Variants in CBX7 observed in about 807,000 individuals in gnomAD.
The protein encoded by CBX7 is chromobox protein homolog 7.
Under a neutral mutation model 31.4 loss-of-function variants are expected in CBX7, and 14 were observed. The ratio of observed to expected loss-of-function variants is 0.45; its 90% CI spans 0.29 to 0.70. The LOEUF is 0.70. Among genes scored for constraint, CBX7 ranks in the 30% least tolerant of loss-of-function variants. The pLI is 0.11. For synonymous variants in CBX7, 159 were observed against 152.6 expected (o/e 1.04, Z -0.31); for missense variants, 269 against 351.9 (o/e 0.76, Z 1.89).
intron 2 of CBX7, among the ~76,000 whole-genome samples, chr22:39,143,745 C>A (rs902193927): frequency 2.6e-5 from 4 of 152,180 alleles, no homozygotes; most frequent in Non-Finnish European, 5.9e-5. Context: ...ACCTTTTCTA[C>A]GTTTGGATGT....
intron 2 of CBX7, among the ~76,000 whole-genome samples, chr22:39,145,358 C>T: frequency 6.6e-6 from 1 of 152,212 alleles, no homozygotes. Flanking sequence ...CGGGCGCTGG[C>T]AACCCAGGAG....
chr22:39,142,788 T>A (rs1483914878), intron 2 of CBX7, among the ~76,000 whole-genome samples: 1 of 152,154 alleles, frequency 6.6e-6, no homozygotes, highest in Non-Finnish European at 1.5e-5. Context: ...GAATAACATT[T>A]CTGTCCGTGA....
intron 2 of CBX7, among the ~76,000 whole-genome samples, chr22:39,146,549 C>T (rs1049502182): frequency 6.6e-6 from 1 of 152,262 alleles, no homozygotes; most frequent in African/African-American, 2.4e-5. Context: ...AAAAGGCCAG[C>T]AGGCAAGAGT....
intron 2 of CBX7, 104 bp downstream of exon 2, chr22:39,149,685 G>A (rs754438293): frequency 5.5e-6 from 5 of 916,480 alleles, no homozygotes; most frequent in South Asian, 2.6e-5. Context: ...AGTTACAAGA[G>A]TAGCTGGAGC....
At chr22:39,134,376 G>A (rs975428586) in intron 5 of CBX7, 25 bp downstream of exon 5, 2 of 1,564,172 alleles carry the variant, frequency 1.3e-6, no homozygotes, top group African/African-American at 2.7e-5. Flanking sequence ...CAGCTCTGAG[G>A]GTCTCTGGGC....
chr22:39,134,240 G>C lies in CBX7; in HGVS notation c.598+161C>G, dbSNP rs993817725. 4.1e-5 allele frequency: 35 copies of C among 849,456 alleles called. No homozygotes were observed. The African/African-American group carries it at 5.3e-4, about 13-fold the overall frequency. The allele number at this position is 849,456 out of a possible 1,614,324, so 52.6% of individuals were successfully genotyped here. Reference sequence around the variant, plus strand: ...ACCTAGACAAGAGCTCAGCCAGAGCGGGACGACAGGAGGAGCCCTGGGCTA... The same window carrying C: ...ACCTAGACAAGAGCTCAGCCAGAGCCGGACGACAGGAGGAGCCCTGGGCTA... On this transcript the variant is annotated intron_variant, in intron 5 of 5. Coordinates refer to ENST00000216133, the MANE Select transcript of CBX7 (RefSeq NM_175709.5).
chr22:39,138,149 C>T (rs1234573722), intron 4 of CBX7, among the ~76,000 whole-genome samples: 2 of 148,928 alleles, frequency 1.3e-5, no homozygotes, highest in African/African-American at 5.0e-5. Flanking sequence ...CGCCACTGCA[C>T]TCCAGCCTGA....
At chr22:39,137,331 G>A (rs972159876) in intron 4 of CBX7, among the ~76,000 whole-genome samples, 3 of 96,252 alleles carry the variant, frequency 3.1e-5, no homozygotes, top group African/African-American at 8.1e-5. Flanking sequence ...TTCAGATCTT[G>A]TTTTTCTTGT....
chr22:39,141,064 C>T (rs1302979148), intron 3 of CBX7: 2 of 346,786 alleles, frequency 5.8e-6, no homozygotes, highest in Non-Finnish European at 1.1e-5. Flanking sequence ...CCTCTTACGG[C>T]CCCTCTGAGG....
intron 4 of CBX7, among the ~76,000 whole-genome samples, chr22:39,137,263 A>G (rs190845787): frequency 3.5e-4 from 51 of 145,036 alleles, no homozygotes; most frequent in African/African-American, 1.3e-3. Flanking sequence ...GACTGCTCCA[A>G]TGAACACTTC....
intron 4 of CBX7, chr22:39,136,313 C>T (rs370504114): frequency 2.3e-4 from 35 of 152,398 alleles, no homozygotes; most frequent in African/African-American, 8.4e-4. Context: ...AGGAGGGCCC[C>T]AACCACACCC....
chr22:39,152,241 A>C lies in CBX7; in HGVS notation c.69+135T>G. On this transcript the variant is annotated intron_variant, in intron 1 of 5. Coordinates refer to ENST00000216133, the MANE Select transcript of CBX7 (RefSeq NM_175709.5). The surrounding 1 kb of genome is among the most constrained non-coding windows in gnomAD (Gnocchi z 4.9). Reference sequence around the variant, plus strand: ...AGGGAAACTGAGGCACGGGCTGGGGAGACGGGCCCAGCAGCGCAGGGCTGC... The same window carrying C: ...AGGGAAACTGAGGCACGGGCTGGGGCGACGGGCCCAGCAGCGCAGGGCTGC... 1 of 328,548 alleles carries C rather than the reference A, an allele frequency of 3.0e-6. No homozygotes were observed. Among genetic ancestry groups the C allele is most frequent in the Non-Finnish European group, 5.1e-6 (1 of 194,548 alleles). 20.4% of individuals were successfully genotyped at this position (328,548 alleles called of 1,614,324 possible). A position where few individuals can be genotyped will look rare whatever the true frequency, so the allele number is the denominator to read the frequency against.
At position 39,142,942 on chromosome 22, in the gene CBX7, T is replaced by C. The variant is rs1018884234; in HGVS notation, c.114-1506A>G. On this transcript the variant is annotated intron_variant, in intron 2 of 5. Transcript: ENST00000216133. Reference sequence around the variant, plus strand: ...TGTCTTAGGTTTCAAAAACAAAGCTTTAAGGCCAGTGTCTTAGGTTTTAAA... The same window carrying C: ...TGTCTTAGGTTTCAAAAACAAAGCTCTAAGGCCAGTGTCTTAGGTTTTAAA... 2.8e-5 allele frequency among the ~76,000 whole-genome samples: 4 copies of C among 143,940 alleles called. No homozygotes were observed. In the East Asian group the frequency reaches 7.9e-4, roughly 28 times the overall value. 94.4% of individuals were successfully genotyped at this position (143,940 alleles called of 152,430 possible).
chr22:39,141,916 C>A (rs1204295032), intron 2 of CBX7, among the ~76,000 whole-genome samples: 1 of 152,194 alleles, frequency 6.6e-6, no homozygotes, highest in African/African-American at 2.4e-5. Context: ...AGGGCTCCAG[C>A]AACACCAGAG....
intron 2 of CBX7, among the ~76,000 whole-genome samples, chr22:39,144,943 C>A (rs896672973): frequency 2.4e-4 from 36 of 152,330 alleles, no homozygotes; most frequent in Non-Finnish European, 4.3e-4. Context: ...GCCAGCCCAG[C>A]GTCACTGAGC....
chr22:39,144,834 G>A (rs954636135), intron 2 of CBX7, among the ~76,000 whole-genome samples: 2 of 152,244 alleles, frequency 1.3e-5, no homozygotes, highest in Non-Finnish European at 2.9e-5. Context: ...GGCCGGGACC[G>A]CCAGGACCGC....
At chr22:39,134,359 C>T in intron 5 of CBX7, 42 bp downstream of exon 5, 1 of 1,492,360 alleles carries the variant, frequency 6.7e-7, no homozygotes, top group Non-Finnish European at 9.1e-7. Flanking sequence ...ACCCATAGGG[C>T]CCTTTCCAGC....
chr22:39,135,419 T>C (rs1347238731), intron 4 of CBX7: 3 of 152,270 alleles, frequency 2.0e-5, no homozygotes, highest in Non-Finnish European at 4.4e-5. Flanking sequence ...ATTTATCTTA[T>C]TTACTTGGGG....
intron 5 of CBX7, 68 bp from the exon 6 acceptor site, chr22:39,134,116 C>T (rs371513567): frequency 9.7e-5 from 142 of 1,468,304 alleles, no homozygotes; most frequent in African/African-American, 4.2e-4. Flanking sequence ...CCACCCAACC[C>T]GACCCCAACT....
Sources: allele counts gnomAD v4.1 joint callset (sites outside exome capture counted in the v4.1 genomes callset), GRCh38; gene constraint gnomAD v4.1.1; non-coding constraint Gnocchi (gnomAD v3.1); transcripts MANE v1.5; gene names NCBI Gene and HGNC (gene_info 2026-07-23, HGNC 2026-07-21).